TNRC6C: variants seen among roughly 807,000 people sequenced by gnomAD.
The protein encoded by TNRC6C is trinucleotide repeat-containing gene 6C protein.
In TNRC6C, 20 loss-of-function variants were observed where a neutral mutation model predicts 153.7. That is an observed-to-expected ratio of 0.13 (90% CI 0.09 to 0.19). TNRC6C has a LOEUF of 0.19. TNRC6C is among the 10% of genes least tolerant of loss of function. The pLI is 1.00. For missense variants in TNRC6C, 1,987 were observed against 2,172.0 expected (o/e 0.91, Z 1.69); for synonymous variants, 811 against 841.4 (o/e 0.96, Z 0.63).
chr17:77,975,101 G>A (rs1458752644), intron 1 of TNRC6C, among the ~76,000 whole-genome samples: 1 of 152,168 alleles, frequency 6.6e-6, no homozygotes, highest in Non-Finnish European at 1.5e-5. Flanking sequence ...ATTTCTTTAA[G>A]TCTCATGTAT....
intron 1 of TNRC6C, among the ~76,000 whole-genome samples, chr17:78,015,463 C>T (rs1371396278): frequency 6.6e-6 from 1 of 152,244 alleles, no homozygotes; most frequent in Non-Finnish European, 1.5e-5. Flanking sequence ...TCATCCATTT[C>T]ACACCTACTT....
intron 1 of TNRC6C, among the ~76,000 whole-genome samples, chr17:77,991,034 G>A (rs577369531): frequency 2.0e-5 from 3 of 152,086 alleles, no homozygotes; most frequent in Non-Finnish European, 4.4e-5. Context: ...TCTTATATTC[G>A]AAGGTAGATT....
At chr17:77,970,677 G>A (rs889518649) in intron 1 of TNRC6C, among the ~76,000 whole-genome samples, 5 of 152,156 alleles carry the variant, frequency 3.3e-5, no homozygotes, top group African/African-American at 1.2e-4. Flanking sequence ...GTGTGTATGT[G>A]TGTGTTTAAG....
chr17:77,962,576 C>T (rs1020793887), intron 1 of TNRC6C, among the ~76,000 whole-genome samples: 5 of 152,142 alleles, frequency 3.3e-5, no homozygotes, highest in Non-Finnish European at 5.9e-5. Context: ...TTGGAGCTGG[C>T]AGAAGGATAG....
chr17:78,106,802 T>C (rs1464101921), exon 20 of TNRC6C: 3 of 151,294 alleles, frequency 2.0e-5, no homozygotes, highest in Non-Finnish European at 4.4e-5. Context: ...AACATTGTGC[T>C]CCCTGCCTGC....
chr17:77,972,320 C>T (rs919167994), intron 1 of TNRC6C, among the ~76,000 whole-genome samples: 1 of 152,110 alleles, frequency 6.6e-6, no homozygotes, highest in Non-Finnish European at 1.5e-5. Context: ...CAAGACCAGC[C>T]TGGCCAACAT....
At chr17:78,080,315 G>A (rs888338120) in intron 10 of TNRC6C, among the ~76,000 whole-genome samples, 4 of 152,162 alleles carry the variant, frequency 2.6e-5, no homozygotes, top group African/African-American at 9.7e-5. Flanking sequence ...GTGTGGTGGC[G>A]CATGCCTGTG....
At chr17:78,069,551 TTTTA>T (rs1271208872) in intron 5 of TNRC6C, among the ~76,000 whole-genome samples, 1 of 152,162 alleles carries the variant, frequency 6.6e-6, no homozygotes, top group Non-Finnish European at 1.5e-5. Context: ...GCCCAACTAA[TTTTA>T]TTTTTTATTT....
At chr17:77,991,879 C>G (rs1367170102) in intron 1 of TNRC6C, among the ~76,000 whole-genome samples, 1 of 152,204 alleles carries the variant, frequency 6.6e-6, no homozygotes, top group Non-Finnish European at 1.5e-5. Context: ...ATGCTTGAAA[C>G]TCAGTCCGAC....
chr17:78,091,709 C>T lies in TNRC6C; in HGVS notation c.3970+102C>T, dbSNP rs567766420. 2.4e-6 allele frequency: 3 copies of T among 1,226,284 alleles called. No individual in the cohort carries two copies. The South Asian group carries it at 8.0e-5, about 33-fold the overall frequency. The allele number at this position is 1,226,284 out of a possible 1,614,324, so 76.0% of individuals were successfully genotyped here. On this transcript the variant is annotated intron_variant, in intron 14 of 19. Coordinates refer to ENST00000301624, the Ensembl canonical transcript of TNRC6C. ...ATTCTATACTTTTCTAAGAATTGAG[C>T]ACTGAAAGTTGGATTTAAAATAACC...
intron 2 of TNRC6C, among the ~76,000 whole-genome samples, chr17:78,047,783 G>A (rs2072439958): frequency 1.3e-5 from 2 of 152,104 alleles, no homozygotes; most frequent in African/African-American, 4.8e-5. Context: ...TTTGTTGTAT[G>A]TTTGGGTTAA....
intron 3 of TNRC6C, among the ~76,000 whole-genome samples, chr17:78,062,059 A>G (rs2072779826): frequency 6.6e-6 from 1 of 152,194 alleles, no homozygotes; most frequent in African/African-American, 2.4e-5. Context: ...CACATGAGTT[A>G]TTTTAGCTTA....
At chr17:78,033,900 A>G (rs1490488920) in intron 2 of TNRC6C, among the ~76,000 whole-genome samples, 4 of 152,080 alleles carry the variant, frequency 2.6e-5, no homozygotes, top group African/African-American at 9.7e-5. Context: ...GCATCTTTCT[A>G]ACTCACCACC....
intron 1 of TNRC6C, among the ~76,000 whole-genome samples, chr17:78,026,534 A>C (rs2071944520): frequency 6.6e-6 from 1 of 152,254 alleles, no homozygotes; most frequent in South Asian, 2.1e-4. Flanking sequence ...ATATTTGGAA[A>C]TGTGCCCTAG....
At chr17:78,059,722 G>A (rs745368631) in intron 3 of TNRC6C, among the ~76,000 whole-genome samples, 4 of 151,566 alleles carry the variant, frequency 2.6e-5, no homozygotes, top group Admixed American at 6.6e-5. Context: ...AGTGGCACAC[G>A]CCTCTAGTCC....
Position 77,977,146 on chromosome 17 carries a change from A to C in TNRC6C, c.-38+17878A>C, listed in dbSNP as rs545517260. ...ACTATATATACGTTTTCTTTCTCCT[A>C]CTAGATTATAAACTCCTTGAAGGCA... On this transcript the variant is annotated intron_variant, in intron 1 of 22. Transcript: ENST00000636222. 2.0e-5 allele frequency among the ~76,000 whole-genome samples: 3 copies of C among 152,140 alleles called. No individual in the cohort carries two copies. The South Asian group carries it at 6.2e-4, about 32-fold the overall frequency.
chr17:78,087,518 A>G (rs1418963907), intron 13 of TNRC6C, among the ~76,000 whole-genome samples: 1 of 152,122 alleles, frequency 6.6e-6, no homozygotes, highest in African/African-American at 2.4e-5. Context: ...TAAAGGTAGT[A>G]CCAGTCAGAG....
chr17:77,968,010 TGTA>T (rs1253088937), intron 1 of TNRC6C, among the ~76,000 whole-genome samples: 8 of 152,162 alleles, frequency 5.3e-5, no homozygotes, highest in Admixed American at 3.3e-4. Context: ...AAATTTGAGA[TGTA>T]GTTATTATTC....
At chr17:78,082,823 G>C (rs1241887156) in intron 10 of TNRC6C, among the ~76,000 whole-genome samples, 1 of 152,178 alleles carries the variant, frequency 6.6e-6, no homozygotes, top group East Asian at 1.9e-4. Context: ...ACGCGCTGTT[G>C]GCTCATTCTG....
Sources: gnomAD v4.1 joint callset for allele counts (sites outside exome capture counted in the v4.1 genomes callset) on GRCh38, gnomAD v4.1.1 for gene constraint, MANE v1.5 for transcripts, NCBI Gene and HGNC (gene_info 2026-07-23, HGNC 2026-07-21) for gene names.